The following TRAPPC9 variants were observed in gnomAD, a reference collection of about 807,000 sequenced individuals.
TRAPPC9 encodes IKK2 binding protein.
In TRAPPC9, 83 loss-of-function variants were observed where a neutral mutation model predicts 124.0. The ratio of observed to expected loss-of-function variants is 0.67; its 90% confidence interval spans 0.56 to 0.80. The LOEUF is 0.80. TRAPPC9 is among the 30% of genes least tolerant of loss of function. The probability of loss-of-function intolerance (pLI) is 0.00; values close to 1 mark genes in which losing one functional copy is unlikely to be tolerated. For synonymous variants in TRAPPC9, 638 were observed against 617.5 expected (o/e 1.03, Z -0.49); for missense variants, 1,302 against 1,508.3 (o/e 0.86, Z 2.27).
intron 17 of TRAPPC9, among the ~76,000 whole-genome samples, chr8:140,188,138 G>A (rs147123771): frequency 1.3e-5 from 2 of 152,196 alleles, no homozygotes; most frequent in East Asian, 1.9e-4. Context: ...GAAGCTAAAT[G>A]TGCGAGCAGG....
At chr8:139,847,183 C>A (rs1286621800) in intron 21 of TRAPPC9, among the ~76,000 whole-genome samples, 1 of 152,186 alleles carries the variant, frequency 6.6e-6, no homozygotes, top group Non-Finnish European at 1.5e-5. Context: ...AATGCAGCAG[C>A]CTTCTAAAAC....
chr8:139,786,479 C>T (rs181472563), intron 21 of TRAPPC9, among the ~76,000 whole-genome samples: 76 of 152,048 alleles, frequency 5.0e-4, no homozygotes, highest in African/African-American at 1.6e-3. Flanking sequence ...ATGGCACAAC[C>T]ACTTTGTAGA....
intron 21 of TRAPPC9, among the ~76,000 whole-genome samples, chr8:139,763,648 A>G (rs1384448698): frequency 6.6e-6 from 1 of 152,248 alleles, no homozygotes; most frequent in Non-Finnish European, 1.5e-5. Context: ...ATGTGCACAC[A>G]GGCACATGCA....
intron 20 of TRAPPC9, among the ~76,000 whole-genome samples, chr8:139,906,556 G>A (rs1028726502): frequency 2.0e-5 from 3 of 152,128 alleles, no homozygotes; most frequent in Non-Finnish European, 2.9e-5. Flanking sequence ...ATAGGGGAGG[G>A]GCAGGAGGGA....
chr8:140,383,755 A>C (rs979769890), intron 7 of TRAPPC9, among the ~76,000 whole-genome samples: 5 of 152,200 alleles, frequency 3.3e-5, no homozygotes, highest in South Asian at 2.1e-4. Flanking sequence ...TATTATCCAC[A>C]AGAACTTCCC....
intron 17 of TRAPPC9, among the ~76,000 whole-genome samples, chr8:140,131,932 C>T (rs1368288825): frequency 1.3e-5 from 2 of 152,178 alleles, no homozygotes; most frequent in Non-Finnish European, 2.9e-5. Flanking sequence ...CCGAGGGGAC[C>T]GCTGTCCCTG....
At chr8:140,315,457 T>G (rs368643468) in intron 9 of TRAPPC9, among the ~76,000 whole-genome samples, 50 of 152,238 alleles carry the variant, frequency 3.3e-4, no homozygotes, top group African/African-American at 1.2e-3. Flanking sequence ...AGTTATATCT[T>G]GTGTTCAAGA....
chr8:139,804,465 TCACCACCACCACCAAA>T (rs1245973651), intron 21 of TRAPPC9, among the ~76,000 whole-genome samples: 5 of 27,830 alleles, frequency 1.8e-4, no homozygotes, highest in Admixed American at 4.1e-4. Context: ...CCACCACCAC[TCACCACCACCACCAAA>T]CACCACCACC....
At chr8:140,000,079 A>G (rs930065802) in intron 18 of TRAPPC9, among the ~76,000 whole-genome samples, 6 of 152,174 alleles carry the variant, frequency 3.9e-5, no homozygotes, top group Non-Finnish European at 7.3e-5. Flanking sequence ...ATAACACCAG[A>G]CATCTACAAC....
At chr8:140,001,739 AC>A (rs142401319) in intron 18 of TRAPPC9, among the ~76,000 whole-genome samples, 3,448 of 152,316 alleles carry the variant, frequency 0.023, 54 homozygotes, top group Non-Finnish European at 0.034. Context: ...GTCACAAACT[AC>A]AAAAATCCAT....
At chr8:139,836,849 A>G (rs986130068) in intron 21 of TRAPPC9, among the ~76,000 whole-genome samples, 21 of 152,174 alleles carry the variant, frequency 1.4e-4, no homozygotes, top group African/African-American at 4.8e-4. Flanking sequence ...CATCATTGCC[A>G]GAAACAATGA....
intron 19 of TRAPPC9, among the ~76,000 whole-genome samples, chr8:139,912,649 C>T (rs2131290127): frequency 6.6e-6 from 1 of 152,356 alleles, no homozygotes; most frequent in South Asian, 2.1e-4. Context: ...TGGCGATGAT[C>T]AGTTTTGAAT....
At chr8:140,422,456 AT>A (rs1463630499) in intron 5 of TRAPPC9, among the ~76,000 whole-genome samples, 1 of 152,218 alleles carries the variant, frequency 6.6e-6, no homozygotes, top group African/African-American at 2.4e-5. Flanking sequence ...TATAGAATAT[AT>A]AAAAAACTGT....
At chr8:140,434,987 A>G in intron 4 of TRAPPC9, 125 bp downstream of exon 4, 2 of 1,453,384 alleles carry the variant, frequency 1.4e-6, no homozygotes, top group Non-Finnish European at 1.9e-6. Context: ...AAAAAAAATT[A>G]CTGACTCAAC....
chr8:139,814,301 C>T (rs770323332), intron 21 of TRAPPC9, among the ~76,000 whole-genome samples: 11 of 152,212 alleles, frequency 7.2e-5, no homozygotes, highest in Non-Finnish European at 1.5e-4. Context: ...TGGCCTTCCC[C>T]GTGGAGACAC....
At chr8:139,917,205 G>C (rs1404749048) in intron 19 of TRAPPC9, among the ~76,000 whole-genome samples, 1 of 124,024 alleles carries the variant, frequency 8.1e-6, no homozygotes, top group Admixed American at 9.9e-5. Context: ...ACGGAGTCTC[G>C]CTCTGTTGCC....
At chr8:140,124,140 A>G (rs1434754080) in intron 17 of TRAPPC9, among the ~76,000 whole-genome samples, 1 of 152,236 alleles carries the variant, frequency 6.6e-6, no homozygotes, top group Non-Finnish European at 1.5e-5. Context: ...GTTATGACAA[A>G]TGATCACATA....
At chr8:140,268,712 G>A (rs1334928561) in intron 15 of TRAPPC9, among the ~76,000 whole-genome samples, 16 of 152,066 alleles carry the variant, frequency 1.1e-4, no homozygotes, top group Admixed American at 9.2e-4. Flanking sequence ...TGTGCCCTGC[G>A]CATCCTCAGA....
intron 21 of TRAPPC9, among the ~76,000 whole-genome samples, chr8:139,779,011 CAT>C (rs887589720): frequency 3.9e-5 from 6 of 151,938 alleles, no homozygotes; most frequent in African/African-American, 1.5e-4. Context: ...TTTAATTTGC[CAT>C]TAAAAGTAAT....
Sources: gnomAD v4.1 joint callset for allele counts (sites outside exome capture counted in the v4.1 genomes callset) on GRCh38, gnomAD v4.1.1 for gene constraint, MANE v1.5 for transcripts, NCBI Gene and HGNC (gene_info 2026-07-23, HGNC 2026-07-21) for gene names.